Variants in CUX1 observed in about 807,000 individuals in gnomAD.
CUX1 encodes cut like homeobox 1.
Under a neutral mutation model 158.8 loss-of-function variants are expected in CUX1, and 31 were observed. The ratio of observed to expected loss-of-function variants is 0.20; its 90% CI spans 0.15 to 0.26. CUX1 has a LOEUF of 0.26. Among genes scored for constraint, CUX1 ranks in the 10% least tolerant of loss-of-function variants. The pLI, the probability that CUX1 is intolerant of heterozygous loss-of-function variation, is 1.00. For synonymous variants in CUX1, 879 were observed against 862.1 expected (o/e 1.02, Z -0.34); for missense variants, 1,589 against 2,014.6 (o/e 0.79, Z 4.04).
intron 4 of CUX1, among the ~76,000 whole-genome samples, chr7:102,076,005 C>T (rs1230105690): frequency 4.0e-5 from 6 of 151,530 alleles, no homozygotes; most frequent in African/African-American, 1.5e-4. Flanking sequence ...TTATCCCCCA[C>T]CATCCCCACC....
At chr7:101,830,461 TTTG>T (rs1793861104) in intron 1 of CUX1, among the ~76,000 whole-genome samples, 3 of 152,046 alleles carry the variant, frequency 2.0e-5, no homozygotes, top group Non-Finnish European at 4.4e-5. Flanking sequence ...TTCAGATGCT[TTTG>T]TTGTTGTTGT....
chr7:101,993,498 G>C (rs899005037), intron 2 of CUX1, among the ~76,000 whole-genome samples: 8 of 152,178 alleles, frequency 5.3e-5, no homozygotes, highest in Non-Finnish European at 1.2e-4. Context: ...CCTCCCAGGG[G>C]AGCACTTACC....
chr7:102,159,803 G>A (rs1350946598), intron 9 of CUX1, among the ~76,000 whole-genome samples: 1 of 152,160 alleles, frequency 6.6e-6, no homozygotes, highest in Non-Finnish European at 1.5e-5. Context: ...AGCAGTTGCA[G>A]TGAGCCAAGA....
chr7:102,055,052 AAAT>A (rs1823979602), intron 3 of CUX1, among the ~76,000 whole-genome samples: 1 of 152,078 alleles, frequency 6.6e-6, no homozygotes, highest in Non-Finnish European at 1.5e-5. Context: ...GCCATCTTAA[AAAT>A]ATTAAGTCTT....
At chr7:102,207,542 C>A (rs572992473) in intron 20 of CUX1, among the ~76,000 whole-genome samples, 3 of 149,276 alleles carry the variant, frequency 2.0e-5, no homozygotes, top group East Asian at 1.9e-4. Flanking sequence ...CCTCCACCCC[C>A]CCAGGTTCAA....
At chr7:102,173,108 C>G (rs182367787) in intron 10 of CUX1, among the ~76,000 whole-genome samples, 6 of 152,236 alleles carry the variant, frequency 3.9e-5, no homozygotes, top group Non-Finnish European at 8.8e-5. Context: ...ACCTGTAATC[C>G]TAGCACTTTG....
intron 2 of CUX1, among the ~76,000 whole-genome samples, chr7:101,933,851 TAA>T (rs1806576641): frequency 1.3e-5 from 2 of 152,218 alleles, no homozygotes; most frequent in African/African-American, 4.8e-5. Context: ...CTTTTAGCCC[TAA>T]TTTAGAAAAA....
At chr7:101,818,712 T>C (rs1792153867) in intron 1 of CUX1, among the ~76,000 whole-genome samples, 2 of 152,216 alleles carry the variant, frequency 1.3e-5, no homozygotes, top group Admixed American at 1.3e-4. Context: ...TTGCAAACTT[T>C]AGTCGAATAC....
intron 2 of CUX1, among the ~76,000 whole-genome samples, chr7:101,998,713 C>T (rs1033445899): frequency 2.6e-5 from 4 of 152,200 alleles, no homozygotes; most frequent in Admixed American, 6.5e-5. Flanking sequence ...AAAGCAGCCT[C>T]GGCCTCCAGT....
intron 9 of CUX1, among the ~76,000 whole-genome samples, chr7:102,160,820 A>C (rs572404756): frequency 6.6e-6 from 1 of 152,212 alleles, no homozygotes; most frequent in African/African-American, 2.4e-5. Flanking sequence ...TTAAATGGGT[A>C]CAGAGTTTTG....
In CUX1 at chr7:102,186,593, A is replaced by ATT. The variant is rs782003329; in HGVS notation, c.1018-3219_1018-3218insTT. On this transcript the variant is annotated intron_variant, in intron 11 of 23. Coordinates refer to ENST00000292535, the MANE Select transcript of CUX1 (RefSeq NM_181552.4). ...ACCTAGATAGTATATATATATATAT[A>ATT]TATTTTTTTTTATTTATGCCTATTT... is the stretch of plus-strand genomic sequence containing the variant. Among the ~76,000 whole-genome samples the ATT allele has an allele frequency of 6.9e-3, 527 of 76,230 alleles. 3 individuals are homozygous for ATT. The highest frequency in any genetic ancestry group is 0.026 in the Middle Eastern group (3 of 114). The allele number at this position is 76,230 out of a possible 152,430, so 50.0% of individuals were successfully genotyped here.
intron 5 of CUX1, among the ~76,000 whole-genome samples, chr7:102,103,936 A>G (rs1554487471): frequency 6.6e-6 from 1 of 151,654 alleles, no homozygotes; most frequent in African/African-American, 2.4e-5. Flanking sequence ...ATTATGAACT[A>G]TTTTTTTTCT....
chr7:102,197,344 C>G, intron 15 of CUX1, 39 bp downstream of exon 15: 1 of 1,593,092 alleles, frequency 6.3e-7, no homozygotes. Context: ...CGTGCGAGCC[C>G]GTCACAGAGT....
chr7:101,871,777 G>T (rs1188840256), intron 1 of CUX1, among the ~76,000 whole-genome samples: 2 of 152,164 alleles, frequency 1.3e-5, no homozygotes, highest in Non-Finnish European at 2.9e-5. Flanking sequence ...CAGTTCTTTG[G>T]GAGGCCAAGG....
intron 15 of CUX1, among the ~76,000 whole-genome samples, chr7:102,198,411 A>C (rs560615009): frequency 6.6e-6 from 1 of 152,390 alleles, no homozygotes; most frequent in East Asian, 1.9e-4. Context: ...TGTTTTGAAC[A>C]GCATCAATTT....
chr7:101,991,245 G>T (rs1815078841), intron 2 of CUX1, among the ~76,000 whole-genome samples: 2 of 152,180 alleles, frequency 1.3e-5, no homozygotes, highest in African/African-American at 2.4e-5. Flanking sequence ...AGCTTTGTAG[G>T]TCCCCCTACA....
chr7:102,236,612 A>G (rs534613678), intron 22 of CUX1, among the ~76,000 whole-genome samples: 27 of 152,210 alleles, frequency 1.8e-4, no homozygotes, highest in African/African-American at 6.5e-4. Flanking sequence ...TCCAACATAA[A>G]CAAAAGTAGA....
chr7:102,181,362 C>CA (rs1793066096), intron 11 of CUX1, among the ~76,000 whole-genome samples: 1 of 152,298 alleles, frequency 6.6e-6, no homozygotes, highest in Admixed American at 6.5e-5. Context: ...CTGACCCCAG[C>CA]AACGGCATTA....
Position 102,248,906 on chromosome 7 carries a change from G to T in CUX1, c.4382G>T (p.Gly1461Val). The T allele has an allele frequency of 2.1e-6, 3 of 1,434,956 alleles. No individual in the cohort carries two copies. The highest frequency in any genetic ancestry group is 2.8e-6 in the Non-Finnish European group (3 of 1,088,728). The allele number at this position is 1,434,956 out of a possible 1,614,324, so 88.9% of individuals were successfully genotyped here. ...CCCAGCTCGCTGCAGAGCCTTTTCG[G>T]CCTCCCCGAGGCCGCGGGCGCCCGG... Reference protein sequence around the residue: ...RRPSSLQSLFGLPEAAGARDS... With the variant: ...RRPSSLQSLFVLPEAAGARDS... The change falls in exon 24 of 24, where the codon GGC (glycine) becomes GTC (valine). Residue 1461 changes from glycine to valine, a missense_variant. Transcript: ENST00000292535. This position sits in a 1 kb window ranked among gnomAD's most constrained non-coding sequence, Gnocchi z 5.8.
Sources: allele counts gnomAD v4.1 joint callset (sites outside exome capture counted in the v4.1 genomes callset), GRCh38; gene constraint gnomAD v4.1.1; non-coding constraint Gnocchi (gnomAD v3.1); transcripts MANE v1.5; gene names NCBI Gene and HGNC (gene_info 2026-07-23, HGNC 2026-07-21).